FLRT1: variants seen among roughly 807,000 people sequenced by gnomAD.
FLRT1 encodes the protein fibronectin leucine rich transmembrane protein 1, also known as leucine-rich repeat transmembrane protein FLRT1.
A neutral mutation model predicts 30.9 loss-of-function variants in FLRT1; 14 were observed. That is an observed-to-expected ratio of 0.45 (90% confidence interval 0.30 to 0.71). The LOEUF is 0.71. FLRT1 is among the 30% of genes least tolerant of loss of function. The pLI is 0.08. For synonymous variants in FLRT1, 368 were observed against 430.4 expected (o/e 0.85, Z 1.80); for missense variants, 737 against 949.2 (o/e 0.78, Z 2.94).
chr11:64,078,781 CT>C (rs1296054813), intron 1 of FLRT1, among the ~76,000 whole-genome samples: 3 of 150,470 alleles, frequency 2.0e-5, no homozygotes, highest in Non-Finnish European at 4.4e-5. Context: ...AGACGGGTGA[CT>C]GCAGGGGGGG....
At chr11:64,055,559 G>C (rs1001469353) in intron 1 of FLRT1, among the ~76,000 whole-genome samples, 1 of 152,184 alleles carries the variant, frequency 6.6e-6, no homozygotes, top group African/African-American at 2.4e-5. Context: ...TTTCCAGCAC[G>C]GAGCACAAGG....
In FLRT1 at chr11:64,054,988, C is replaced by T. The variant is rs188738907; in HGVS notation, c.-1038+18829C>T. 3.6e-4 allele frequency among the ~76,000 whole-genome samples: 55 copies of T among 152,278 alleles called. 1 individual carries two copies. Among genetic ancestry groups the T allele is most frequent in the Admixed American group, 1.3e-3 (20 of 15,292 alleles). On this transcript the variant is annotated intron_variant, in intron 1 of 2. Transcript: ENST00000682287. ...GGATCTCCTACCAGCCCTTTCCTAC[C>T]GCCACTACCATCCAGACTCTGCCAG...
At chr11:64,098,440 C>G (rs185623766) in intron 1 of FLRT1, among the ~76,000 whole-genome samples, 13 of 152,214 alleles carry the variant, frequency 8.5e-5, no homozygotes, top group Non-Finnish European at 1.6e-4. Flanking sequence ...ATTACTGGAG[C>G]GGTCCTAGCC....
intron 1 of FLRT1, among the ~76,000 whole-genome samples, chr11:64,087,654 CG>C (rs1944418382): frequency 6.6e-6 from 1 of 152,234 alleles, no homozygotes; most frequent in African/African-American, 2.4e-5. Flanking sequence ...CATGCAGCCA[CG>C]GGTCCTTGTC....
At chr11:64,070,880 C>G (rs1206482265) in intron 1 of FLRT1, among the ~76,000 whole-genome samples, 1 of 152,108 alleles carries the variant, frequency 6.6e-6, no homozygotes, top group African/African-American at 2.4e-5. Flanking sequence ...ATGGGGCCCC[C>G]CTCTGGGACA....
intron 1 of FLRT1, among the ~76,000 whole-genome samples, chr11:64,043,323 G>GCT (rs2134392740): frequency 6.6e-6 from 1 of 152,340 alleles, no homozygotes; most frequent in Non-Finnish European, 1.5e-5. Context: ...GTACAGGCTA[G>GCT]CTTTCCGCCC....
intron 1 of FLRT1, among the ~76,000 whole-genome samples, chr11:64,099,549 G>A (rs977485472): frequency 1.3e-5 from 2 of 152,112 alleles, no homozygotes; most frequent in Non-Finnish European, 2.9e-5. Context: ...AAGATGGAGA[G>A]ATGGATGGAT....
intron 1 of FLRT1, among the ~76,000 whole-genome samples, chr11:64,076,156 C>G (rs1225244134): frequency 6.6e-6 from 1 of 152,218 alleles, no homozygotes; most frequent in Non-Finnish European, 1.5e-5. Context: ...CCCCAGCGAC[C>G]TTCCCAGCTC....
chr11:64,065,244 C>T (rs1023002460), intron 1 of FLRT1, among the ~76,000 whole-genome samples: 13 of 152,092 alleles, frequency 8.5e-5, no homozygotes, highest in Admixed American at 4.6e-4. Context: ...GAGTGTTGAG[C>T]GATCGGAGCA....
chr11:64,095,165 G>A (rs1944555338), intron 1 of FLRT1, among the ~76,000 whole-genome samples: 1 of 152,254 alleles, frequency 6.6e-6, no homozygotes, highest in African/African-American at 2.4e-5. Flanking sequence ...CCACTCTCGT[G>A]TGAGGTGTGG....
At chr11:64,059,831 C>G (rs879820131) in intron 1 of FLRT1, among the ~76,000 whole-genome samples, 2 of 152,240 alleles carry the variant, frequency 1.3e-5, no homozygotes, top group Non-Finnish European at 2.9e-5. Flanking sequence ...CCCCGAGAGG[C>G]CCGCCCCTAG....
At chr11:64,080,721 C>T (rs116756013) in intron 1 of FLRT1, among the ~76,000 whole-genome samples, 2,483 of 152,270 alleles carry the variant, frequency 0.016, 73 homozygotes, top group African/African-American at 0.057. Context: ...GGAAGGAGGA[C>T]GTGCAGAGGG....
At position 64,067,787 on chromosome 11, in the gene FLRT1, C is replaced by T. The variant is rs1944032881; in HGVS notation, c.-1038+31628C>T. 6.6e-6 allele frequency among the ~76,000 whole-genome samples: 1 copy of T among 152,154 alleles called. No individual in the cohort carries two copies. The highest frequency in any genetic ancestry group is 1.5e-5 in the Non-Finnish European group (1 of 68,022). On this transcript the variant is annotated intron_variant, in intron 1 of 2. Transcript: ENST00000682287. The surrounding 1 kb of genome is among the most constrained non-coding windows in gnomAD (Gnocchi z 4.6). Reference sequence around the variant, plus strand: ...GTGGCCCCAGAGCTGTTTGTTTTCCCTGACTGAGGGGCGGCTGTGCCACCC... The same window carrying T: ...GTGGCCCCAGAGCTGTTTGTTTTCCTTGACTGAGGGGCGGCTGTGCCACCC...
chr11:64,078,797 C>G (rs1466777776), intron 1 of FLRT1, among the ~76,000 whole-genome samples: 5 of 151,214 alleles, frequency 3.3e-5, no homozygotes, highest in Admixed American at 2.6e-4. Flanking sequence ...GGGGGGAGGC[C>G]TCTCTGAGCA....
chr11:64,038,909 G>C (rs1266015627), intron 1 of FLRT1, among the ~76,000 whole-genome samples: 1 of 152,178 alleles, frequency 6.6e-6, no homozygotes, highest in Non-Finnish European at 1.5e-5. Context: ...TGGGGTAACA[G>C]CAGTACCTAC....
intron 2 of FLRT1, among the ~76,000 whole-genome samples, chr11:64,113,504 G>A (rs1325903251): frequency 6.6e-6 from 1 of 151,186 alleles, no homozygotes; most frequent in Non-Finnish European, 1.5e-5. Flanking sequence ...ATGGTTGGAT[G>A]GATGGATAAT....
intron 1 of FLRT1, among the ~76,000 whole-genome samples, chr11:64,061,684 T>C (rs1419432955): frequency 6.6e-6 from 1 of 151,634 alleles, no homozygotes; most frequent in Non-Finnish European, 1.5e-5. Context: ...ATTTTAATTT[T>C]TAGAGGAGTA....
At chr11:64,085,408 C>T (rs994258860) in intron 1 of FLRT1, among the ~76,000 whole-genome samples, 4 of 152,164 alleles carry the variant, frequency 2.6e-5, no homozygotes, top group East Asian at 1.9e-4. Context: ...CTTCCGGGGA[C>T]GGAGGGCGGG....
intron 1 of FLRT1, among the ~76,000 whole-genome samples, chr11:64,099,740 A>G (rs1454755703): frequency 6.6e-6 from 1 of 151,172 alleles, no homozygotes; most frequent in African/African-American, 2.4e-5. Flanking sequence ...GGATGGAGAG[A>G]TGAATGGATG....
Sources: allele counts gnomAD v4.1 joint callset (sites outside exome capture counted in the v4.1 genomes callset), GRCh38; gene constraint gnomAD v4.1.1; non-coding constraint Gnocchi (gnomAD v3.1); transcripts MANE v1.5; gene names NCBI Gene and HGNC (gene_info 2026-07-23, HGNC 2026-07-21).